FAM120B: variants seen among roughly 807,000 people sequenced by gnomAD.
FAM120B encodes the protein constitutive coactivator of peroxisome proliferator-activated receptor gamma.
A neutral mutation model predicts 96.3 loss-of-function variants in FAM120B; 83 were observed. The ratio of observed to expected loss-of-function variants is 0.86; its 90% CI spans 0.72 to 1.03. The LOEUF is 1.03. FAM120B is among the 50% of genes least tolerant of loss of function. The pLI is 0.00. For missense variants in FAM120B, 1,027 were observed against 1,121.2 expected (o/e 0.92, Z 1.20); for synonymous variants, 407 against 402.7 (o/e 1.01, Z -0.13).
intron 1 of FAM120B, among the ~76,000 whole-genome samples, chr6:170,310,636 AGAAT>A (rs1469641310): frequency 1.3e-5 from 2 of 152,196 alleles, no homozygotes; most frequent in Non-Finnish European, 2.9e-5. Context: ...CTTTGCTGCT[AGAAT>A]GTGTCTTTGA....
chr6:170,367,263 C>G (rs985078549), intron 6 of FAM120B, among the ~76,000 whole-genome samples: 1 of 152,366 alleles, frequency 6.6e-6, no homozygotes, highest in East Asian at 1.9e-4. Flanking sequence ...ACCAGACTAT[C>G]GCCCATAGGC....
intron 6 of FAM120B, among the ~76,000 whole-genome samples, chr6:170,385,214 A>T (rs531680721): frequency 6.6e-6 from 1 of 152,252 alleles, no homozygotes; most frequent in African/African-American, 2.4e-5. Flanking sequence ...TTAAAATAGT[A>T]CACTTCTAAA....
At chr6:170,369,548 G>A (rs1789040115) in intron 6 of FAM120B, among the ~76,000 whole-genome samples, 1 of 152,202 alleles carries the variant, frequency 6.6e-6, no homozygotes, top group Non-Finnish European at 1.5e-5. Flanking sequence ...GAGAGAGTGA[G>A]GAAGTCAACT....
At chr6:170,308,750 C>A (rs1784429219) in intron 1 of FAM120B, among the ~76,000 whole-genome samples, 1 of 152,188 alleles carries the variant, frequency 6.6e-6, no homozygotes, top group Admixed American at 6.5e-5. Context: ...TTGAGATTTG[C>A]ATTTTTGTCC....
At chr6:170,351,473 T>C (rs1787575945) in intron 5 of FAM120B, among the ~76,000 whole-genome samples, 1 of 152,054 alleles carries the variant, frequency 6.6e-6, no homozygotes, top group Admixed American at 6.6e-5. Flanking sequence ...TATGAGAAGA[T>C]CAACCCCAAG....
At chr6:170,341,954 G>T (rs1328002313) in intron 4 of FAM120B, among the ~76,000 whole-genome samples, 1 of 152,190 alleles carries the variant, frequency 6.6e-6, no homozygotes, top group Non-Finnish European at 1.5e-5. Context: ...AGTATTTTCA[G>T]TTCATGGATT....
chr6:170,292,198 T>C (rs543028780), upstream of FAM120B, among the ~76,000 whole-genome samples: 5 of 152,322 alleles, frequency 3.3e-5, no homozygotes, highest in East Asian at 9.6e-4. The surrounding 1 kb of genome is among the most constrained non-coding windows in gnomAD (Gnocchi z 6.6). Context: ...CGTCACCTTA[T>C]TAGGTTTTTA....
rs958475088 is a variant in FAM120B at position 170,295,995 on chromosome 6, G to T, written c.48+542G>T. 1.7e-4 allele frequency among the ~76,000 whole-genome samples: 26 copies of T among 152,060 alleles called. No homozygotes were observed. Among genetic ancestry groups the T allele is most frequent in the African/African-American group, 6.0e-4 (25 of 41,432 alleles). On this transcript the variant is annotated intron_variant, in intron 1 of 10. Coordinates refer to the FAM120B transcript ENST00000537664. The surrounding 1 kb of genome is among the most constrained non-coding windows in gnomAD (Gnocchi z 7.8). ...GGGCCCCCGCCCCCTCCTCTGCGCC[G>T]CGGCTCCTTCCCCTGGAACCCGCGG...
chr6:170,316,728 G>A (rs1197047064), intron 1 of FAM120B, among the ~76,000 whole-genome samples: 1 of 152,128 alleles, frequency 6.6e-6, no homozygotes, highest in Non-Finnish European at 1.5e-5. Flanking sequence ...AGTTTGGTAA[G>A]TTTTAACATA....
At chr6:170,300,286 GA>G (rs1784112546) in intron 1 of FAM120B, among the ~76,000 whole-genome samples, 1 of 152,168 alleles carries the variant, frequency 6.6e-6, no homozygotes, top group South Asian at 2.1e-4. Context: ...CAAAGGACGG[GA>G]AAAGCCCCTT....
intron 4 of FAM120B, among the ~76,000 whole-genome samples, chr6:170,339,144 G>A (rs1009648811): frequency 3.3e-5 from 5 of 152,108 alleles, no homozygotes; most frequent in Admixed American, 6.5e-5. Flanking sequence ...TGCAGTGGCT[G>A]GTACCAGTTT....
intron 6 of FAM120B, among the ~76,000 whole-genome samples, chr6:170,387,845 C>A (rs1369020661): frequency 6.6e-6 from 1 of 152,186 alleles, no homozygotes; most frequent in Non-Finnish European, 1.5e-5. Flanking sequence ...CCCTGTCTGT[C>A]CCTTTGCCTT....
intron 5 of FAM120B, among the ~76,000 whole-genome samples, chr6:170,348,524 C>G (rs1288013705): frequency 6.6e-6 from 1 of 152,176 alleles, no homozygotes; most frequent in African/African-American, 2.4e-5. Context: ...CTGTCACTAC[C>G]TCAGCTTTAG....
At chr6:170,354,121 A>G (rs928765817) in intron 5 of FAM120B, among the ~76,000 whole-genome samples, 1 of 152,222 alleles carries the variant, frequency 6.6e-6, no homozygotes, top group Non-Finnish European at 1.5e-5. Context: ...AAGACCACAC[A>G]TCTACAACCA....
chr6:170,359,400 A>G (rs1242238260), intron 6 of FAM120B, among the ~76,000 whole-genome samples: 1 of 151,882 alleles, frequency 6.6e-6, no homozygotes, highest in Non-Finnish European at 1.5e-5. Context: ...TCTCAAAAAA[A>G]AAAAAAAATC....
upstream of FAM120B, among the ~76,000 whole-genome samples, chr6:170,294,643 C>T (rs1220025607): frequency 1.3e-5 from 2 of 152,194 alleles, no homozygotes; most frequent in African/African-American, 4.8e-5. This position sits in a 1 kb window ranked among gnomAD's most constrained non-coding sequence, Gnocchi z 7.9. Context: ...GTCACTCAAT[C>T]CTATTCCAAC....
At chr6:170,388,574 C>T (rs1300716810) in intron 7 of FAM120B, 81 bp downstream of exon 7, 1 of 1,216,874 alleles carries the variant, frequency 8.2e-7, no homozygotes, top group Non-Finnish European at 1.2e-6. Context: ...TCGGCTGTTG[C>T]ATTTTTCAAA....
At chr6:170,327,140 G>A (rs187537420) in intron 3 of FAM120B, among the ~76,000 whole-genome samples, 134 of 152,036 alleles carry the variant, frequency 8.8e-4, no homozygotes, top group Middle Eastern at 3.4e-3. Context: ...TCCGCCTCCC[G>A]GGTTCACACC....
At chr6:170,386,482 T>C (rs915170086) in intron 6 of FAM120B, among the ~76,000 whole-genome samples, 3 of 152,180 alleles carry the variant, frequency 2.0e-5, no homozygotes, top group African/African-American at 4.8e-5. Context: ...ATGCGTGCCA[T>C]GAAAATTTCA....
Sources: allele counts gnomAD v4.1 joint callset (sites outside exome capture counted in the v4.1 genomes callset), GRCh38; gene constraint gnomAD v4.1.1; non-coding constraint Gnocchi (gnomAD v3.1); transcripts MANE v1.5; gene names NCBI Gene and HGNC (gene_info 2026-07-23, HGNC 2026-07-21).